Variants in KIAA1217 observed in about 807,000 individuals in gnomAD.
KIAA1217 encodes sickle tail protein homolog.
A neutral mutation model predicts 163.9 loss-of-function variants in KIAA1217; 88 were observed. The observed-to-expected ratio is 0.54, with a 90% CI of 0.45 to 0.64. The LOEUF (loss-of-function observed/expected upper bound fraction) is 0.64. Ranked by LOEUF, KIAA1217 falls within the 30% of genes least tolerant of loss-of-function variation. The probability of loss-of-function intolerance (pLI) is 0.00; values close to 1 mark genes in which losing one functional copy is unlikely to be tolerated. For missense variants in KIAA1217, 2,372 were observed against 2,475.0 expected (o/e 0.96, Z 0.88); for synonymous variants, 903 against 923.1 (o/e 0.98, Z 0.39).
intron 2 of KIAA1217, among the ~76,000 whole-genome samples, chr10:24,048,899 C>T (rs1445776833): frequency 6.6e-6 from 1 of 151,332 alleles, no homozygotes; most frequent in Non-Finnish European, 1.5e-5. Context: ...TGTGTGGTGG[C>T]GGGCACCTGT....
intron 2 of KIAA1217, among the ~76,000 whole-genome samples, chr10:24,101,055 C>CAAAACAAAACA (rs148139915): frequency 6.6e-6 from 1 of 151,962 alleles, no homozygotes; most frequent in Non-Finnish European, 1.5e-5. Context: ...CTCAACAAAA[C>CAAAACAAAACA]AAAACAAAAC....
At chr10:24,462,399 G>A (rs533460591) in intron 5 of KIAA1217, among the ~76,000 whole-genome samples, 50 of 152,278 alleles carry the variant, frequency 3.3e-4, no homozygotes, top group African/African-American at 1.2e-3. Flanking sequence ...ACCATGGCCA[G>A]AAATCGAATA....
chr10:24,339,382 G>C (rs2046781032), intron 2 of KIAA1217, among the ~76,000 whole-genome samples: 1 of 152,118 alleles, frequency 6.6e-6, no homozygotes, highest in Non-Finnish European at 1.5e-5. Flanking sequence ...TCAATATAAA[G>C]AAAATTATAC....
chr10:24,417,877 AT>A (rs2058397720), intron 3 of KIAA1217, among the ~76,000 whole-genome samples: 1 of 137,066 alleles, frequency 7.3e-6, no homozygotes, highest in Admixed American at 7.2e-5. Context: ...TTTTTTGGTT[AT>A]TAACATAACT....
chr10:24,270,718 A>T (rs968985279), intron 2 of KIAA1217, among the ~76,000 whole-genome samples: 1 of 151,442 alleles, frequency 6.6e-6, no homozygotes, highest in Admixed American at 6.6e-5. Context: ...TTTTTGTTTT[A>T]TTTTTTTTAG....
At chr10:24,541,158 C>T (rs556233731) in intron 17 of KIAA1217, among the ~76,000 whole-genome samples, 1 of 146,034 alleles carries the variant, frequency 6.8e-6, no homozygotes, top group African/African-American at 2.4e-5. Flanking sequence ...AAGCAATCCT[C>T]CTGCCTCAGC....
intron 1 of KIAA1217, among the ~76,000 whole-genome samples, chr10:23,938,263 T>G (rs1364633159): frequency 6.6e-6 from 1 of 152,064 alleles, no homozygotes; most frequent in African/African-American, 2.4e-5. Context: ...AGTGCTTCGA[T>G]GGGTATTGAG....
intron 10 of KIAA1217, among the ~76,000 whole-genome samples, chr10:24,517,957 T>C (rs1177954755): frequency 6.6e-6 from 1 of 152,118 alleles, no homozygotes; most frequent in Non-Finnish European, 1.5e-5. Context: ...ATCAGGCCAC[T>C]GCACTCCAGC....
chr10:23,782,598 G>C (rs1236403365), intron 1 of KIAA1217, among the ~76,000 whole-genome samples: 1 of 151,974 alleles, frequency 6.6e-6, no homozygotes, highest in Non-Finnish European at 1.5e-5. Flanking sequence ...ACACCTGGCT[G>C]ATTTTTGTAT....
chr10:24,287,380 G>T (rs1462066954), intron 2 of KIAA1217, among the ~76,000 whole-genome samples: 1 of 152,112 alleles, frequency 6.6e-6, no homozygotes, highest in African/African-American at 2.4e-5. Context: ...AGGATGCCTA[G>T]GTCAGTGAGA....
intron 2 of KIAA1217, among the ~76,000 whole-genome samples, chr10:24,021,071 A>C (rs111952206): frequency 1.3e-5 from 2 of 152,038 alleles, no homozygotes; most frequent in Admixed American, 6.6e-5. Context: ...AATTATGTTT[A>C]AAGAATTCAG....
At chr10:24,168,877 A>G (rs964469142) in intron 2 of KIAA1217, among the ~76,000 whole-genome samples, 13 of 152,290 alleles carry the variant, frequency 8.5e-5, no homozygotes, top group Admixed American at 8.5e-4. Flanking sequence ...TAAAGAGGCC[A>G]TTTTTCATCT....
At chr10:23,826,759 G>T (rs1436729779) in intron 1 of KIAA1217, among the ~76,000 whole-genome samples, 3 of 152,078 alleles carry the variant, frequency 2.0e-5, no homozygotes, top group Admixed American at 2.0e-4. Flanking sequence ...CTCCTCAAAT[G>T]CTCCAAGGGC....
At chr10:23,753,299 T>C (rs1210793956) in intron 1 of KIAA1217, among the ~76,000 whole-genome samples, 1 of 152,174 alleles carries the variant, frequency 6.6e-6, no homozygotes, top group African/African-American at 2.4e-5. Context: ...AGTATGAGGA[T>C]TAGGAGACCA....
chr10:24,079,473 A>C (rs189800505), intron 2 of KIAA1217, among the ~76,000 whole-genome samples: 23 of 152,326 alleles, frequency 1.5e-4, no homozygotes, highest in African/African-American at 4.8e-4. Flanking sequence ...CTTAGAAAAT[A>C]AATGGGATAA....
intron 2 of KIAA1217, among the ~76,000 whole-genome samples, chr10:24,149,841 T>C (rs1486781923): frequency 6.6e-6 from 1 of 152,004 alleles, no homozygotes; most frequent in East Asian, 1.9e-4. Flanking sequence ...TATACATATA[T>C]CAAAATGTCG....
chr10:24,299,055 T>C (rs1021221400), intron 2 of KIAA1217, among the ~76,000 whole-genome samples: 2 of 152,142 alleles, frequency 1.3e-5, no homozygotes, highest in African/African-American at 4.8e-5. Context: ...TTAAAACACC[T>C]AGCACAGAGT....
chr10:24,183,106 A>G (rs537273328), intron 2 of KIAA1217, among the ~76,000 whole-genome samples: 2 of 152,298 alleles, frequency 1.3e-5, no homozygotes, highest in Non-Finnish European at 2.9e-5. Context: ...GACACCCCCC[A>G]GGTTTTCTCT....
chr10:23,877,789 G>A (rs533483982), intron 1 of KIAA1217, among the ~76,000 whole-genome samples: 1 of 151,946 alleles, frequency 6.6e-6, no homozygotes, highest in Admixed American at 6.6e-5. Context: ...TAGTTGGCTA[G>A]CATCTGTTTT....
Sources: gnomAD v4.1 joint callset for allele counts (sites outside exome capture counted in the v4.1 genomes callset) on GRCh38, gnomAD v4.1.1 for gene constraint, MANE v1.5 for transcripts, NCBI Gene and HGNC (gene_info 2026-07-23, HGNC 2026-07-21) for gene names.